CCNY: variants seen among roughly 807,000 people sequenced by gnomAD.
CCNY encodes the protein cyclin Y, also known as cyclin-Y.
In CCNY, 19 loss-of-function variants were observed where a neutral mutation model predicts 42.8. That is an observed-to-expected ratio of 0.44 (90% CI 0.31 to 0.65). CCNY has a LOEUF of 0.65. Among genes scored for constraint, CCNY ranks in the 30% least tolerant of loss-of-function variants. CCNY has a pLI of 0.07. For missense variants in CCNY, 370 were observed against 437.3 expected (o/e 0.85, Z 1.37); for synonymous variants, 165 against 162.7 (o/e 1.01, Z -0.11).
chr10:35,455,804 C>CCTTT (rs1554790476), intron 1 of CCNY, among the ~76,000 whole-genome samples: 2 of 75,980 alleles, frequency 2.6e-5, no homozygotes, highest in East Asian at 4.1e-4. Flanking sequence ...GGGATGCTTC[C>CCTTT]TTTTTTTTTT....
intron 7 of CCNY, among the ~76,000 whole-genome samples, chr10:35,545,086 T>C (rs150840805): frequency 1.3e-5 from 2 of 152,272 alleles, no homozygotes; most frequent in South Asian, 2.1e-4. Flanking sequence ...CATGTAGAAA[T>C]GAGGGGCTGG....
chr10:35,283,291 TA>T (rs1565063553), intron 3 of CCNY, among the ~76,000 whole-genome samples: 1 of 152,148 alleles, frequency 6.6e-6, no homozygotes, highest in Non-Finnish European at 1.5e-5. Context: ...GATATGTGGA[TA>T]AAAATATCAA....
intron 8 of CCNY, among the ~76,000 whole-genome samples, chr10:35,561,587 C>T (rs1564459143): frequency 6.6e-6 from 1 of 152,146 alleles, no homozygotes. Flanking sequence ...CAGCTGGAAA[C>T]CTTTTCAAAT....
chr10:35,378,324 T>TA (rs1277332654), intron 1 of CCNY, among the ~76,000 whole-genome samples: 3 of 152,228 alleles, frequency 2.0e-5, no homozygotes, highest in East Asian at 1.9e-4. Context: ...TGGTGGTAGA[T>TA]ACGAGTTTTC....
At chr10:35,469,555 G>A (rs1025494240) in intron 1 of CCNY, among the ~76,000 whole-genome samples, 1 of 138,470 alleles carries the variant, frequency 7.2e-6, no homozygotes, top group African/African-American at 3.4e-5. Context: ...GAGGCAGAAC[G>A]GGAGATGGAG....
intron 3 of CCNY, among the ~76,000 whole-genome samples, chr10:35,323,745 G>A (rs571290839): frequency 2.5e-4 from 38 of 152,180 alleles, no homozygotes; most frequent in African/African-American, 8.2e-4. Flanking sequence ...GTGGCCTGGC[G>A]TGGTGGCTCC....
Position 35,530,352 on chromosome 10 carries a change from C to T in CCNY, c.579+109C>T. The T allele has an allele frequency of 5.2e-6, 7 of 1,334,280 alleles. No individual in the cohort carries two copies. The highest frequency in any genetic ancestry group is 2.4e-4 in the Middle Eastern group (1 of 4,242). The allele number at this position is 1,334,280 out of a possible 1,614,324, so 82.7% of individuals were successfully genotyped here. ...AGCAGGGAATCCTCACCAGGTTACC[C>T]TGTGGACACCGTGGCATAAGCTTCA... On this transcript the variant is annotated intron_variant, in intron 7 of 9. Coordinates refer to ENST00000374704, the MANE Select transcript of CCNY (RefSeq NM_145012.6). This position sits in a 1 kb window ranked among gnomAD's most constrained non-coding sequence, Gnocchi z 4.3.
In CCNY at chr10:35,336,562, C is replaced by CGCCCGCT. The variant is rs1412376346; in HGVS notation, c.-485_-479dup. Reference sequence around the variant, plus strand: ...GCGAGGAGTCCGGGGGCTGCGCCCACGCCCGCTGCCCGCCCGCTCGTCGGC... The same window carrying CGCCCGCT: ...GCGAGGAGTCCGGGGGCTGCGCCCACGCCCGCTGCCCGCTGCCCGCCCGCTCGTCGGC... On this transcript the variant is annotated 5_prime_UTR_variant, in exon 1 of 10. Coordinates refer to ENST00000374704, the MANE Select transcript of CCNY (RefSeq NM_145012.6). Among the ~76,000 whole-genome samples, 2 of 148,904 alleles carry CGCCCGCT rather than the reference C, an allele frequency of 1.3e-5. No homozygotes were observed. Among genetic ancestry groups the CGCCCGCT allele is most frequent in the East Asian group, 3.9e-4 (2 of 5,098 alleles).
chr10:35,483,347 G>C (rs1839715578), intron 1 of CCNY, 57 bp from the exon 2 acceptor site: 1 of 1,152,198 alleles, frequency 8.7e-7, no homozygotes. Context: ...AGTCAATCTT[G>C]ATTCCTCTTA....
chr10:35,313,083 C>A (rs1363408980), intron 3 of CCNY, among the ~76,000 whole-genome samples: 1 of 152,144 alleles, frequency 6.6e-6, no homozygotes, highest in Admixed American at 6.6e-5. Flanking sequence ...AGTTCCTTCA[C>A]CTTTCCCACA....
chr10:35,334,389 GAACAGACAAC>G (rs1399078332), upstream of CCNY, among the ~76,000 whole-genome samples: 2 of 152,196 alleles, frequency 1.3e-5, no homozygotes, highest in African/African-American at 2.4e-5. Context: ...GCAGCAATCA[GAACAGACAAC>G]AACAGACAAC....
chr10:35,387,539 C>T (rs1438226338), intron 1 of CCNY, among the ~76,000 whole-genome samples: 1 of 152,032 alleles, frequency 6.6e-6, no homozygotes, highest in African/African-American at 2.4e-5. Flanking sequence ...GGGAGGATGC[C>T]AGGGGATAAT....
intron 1 of CCNY, among the ~76,000 whole-genome samples, chr10:35,399,662 C>A (rs901290006): frequency 1.3e-5 from 2 of 152,150 alleles, no homozygotes; most frequent in Admixed American, 1.3e-4. Flanking sequence ...GGCAACATAA[C>A]GAGAGTCTGT....
At chr10:35,431,770 G>A (rs971219292) in intron 1 of CCNY, among the ~76,000 whole-genome samples, 1 of 152,022 alleles carries the variant, frequency 6.6e-6, no homozygotes, top group African/African-American at 2.4e-5. Context: ...CATAGGCTAC[G>A]TTAGACCTCG....
At chr10:35,259,892 CTT>C (rs34394998) in intron 3 of CCNY, among the ~76,000 whole-genome samples, 54,229 of 145,832 alleles carry the variant, frequency 0.37, 10,275 homozygotes, top group African/African-American at 0.49. Context: ...AAACAACATA[CTT>C]TTTTTTTTTT....
chr10:35,343,729 A>T (rs1836238311), intron 1 of CCNY, among the ~76,000 whole-genome samples: 1 of 152,182 alleles, frequency 6.6e-6, no homozygotes, highest in South Asian at 2.1e-4. Flanking sequence ...GATGAAACTA[A>T]TGCAAGGATT....
At chr10:35,540,200 G>A (rs1260577684) in intron 7 of CCNY, among the ~76,000 whole-genome samples, 2 of 152,212 alleles carry the variant, frequency 1.3e-5, no homozygotes, top group African/African-American at 2.4e-5. Context: ...TGTGTGCTGT[G>A]TGCTGTGAGT....
chr10:35,418,601 C>G (rs1393698394), intron 1 of CCNY, among the ~76,000 whole-genome samples: 2 of 152,052 alleles, frequency 1.3e-5, no homozygotes, highest in Non-Finnish European at 2.9e-5. Flanking sequence ...TAAGCGGTAA[C>G]TGAGAATATG....
At chr10:35,251,317 CT>C (rs1422226146) in intron 3 of CCNY, among the ~76,000 whole-genome samples, 2 of 152,212 alleles carry the variant, frequency 1.3e-5, no homozygotes, top group African/African-American at 4.8e-5. Context: ...TTATTGGTGT[CT>C]GAATCCAATA....
Sources: gnomAD v4.1 joint callset for allele counts (sites outside exome capture counted in the v4.1 genomes callset) on GRCh38, gnomAD v4.1.1 for gene constraint, Gnocchi (gnomAD v3.1) non-coding constraint, MANE v1.5 for transcripts, NCBI Gene and HGNC (gene_info 2026-07-23, HGNC 2026-07-21) for gene names.